The following NCOR2 variants were observed in gnomAD, a reference collection of about 807,000 sequenced individuals.
The protein encoded by NCOR2 is nuclear receptor corepressor 2.
NCOR2 carries 81 observed loss-of-function variants against 262.9 expected under a neutral mutation model. That is an observed-to-expected ratio of 0.31 (90% CI 0.26 to 0.37). The LOEUF is 0.37. Among genes scored for constraint, NCOR2 ranks in the 10% least tolerant of loss-of-function variants. The probability of loss-of-function intolerance (pLI) is 1.00; values close to 1 mark genes in which losing one functional copy is unlikely to be tolerated. For missense variants in NCOR2, 3,385 were observed against 3,621.4 expected (o/e 0.93, Z 1.68); for synonymous variants, 1,659 against 1,559.3 (o/e 1.06, Z -1.51).
At chr12:124,388,078 G>T (rs1349352598) in intron 16 of NCOR2, among the ~76,000 whole-genome samples, 1 of 151,832 alleles carries the variant, frequency 6.6e-6, no homozygotes, top group Non-Finnish European at 1.5e-5. Flanking sequence ...AGAGGAGAGG[G>T]GATGGAGGTG....
chr12:124,333,881 T>C (rs1300834458), intron 41 of NCOR2, among the ~76,000 whole-genome samples: 1 of 83,284 alleles, frequency 1.2e-5, no homozygotes, highest in Non-Finnish European at 2.7e-5. Context: ...TGTGTGCGGG[T>C]GTGCATGTGT....
chr12:124,557,494 G>A (rs1032343997), intron 1 of NCOR2, among the ~76,000 whole-genome samples: 3 of 152,080 alleles, frequency 2.0e-5, no homozygotes, highest in Admixed American at 6.5e-5. Flanking sequence ...ATAAGGACAC[G>A]GGCCACTGGA....
intron 9 of NCOR2, 38 bp downstream of exon 11, chr12:124,430,577 C>A (rs1306301305): frequency 3.8e-6 from 6 of 1,573,828 alleles, no homozygotes; most frequent in South Asian, 1.2e-5. Context: ...TGACCCCGGG[C>A]CCTGACGTCG....
At chr12:124,438,363 A>G (rs1016119156) in intron 7 of NCOR2, among the ~76,000 whole-genome samples, 1 of 152,172 alleles carries the variant, frequency 6.6e-6, no homozygotes, top group African/African-American at 2.4e-5. Context: ...TACAGGCCAC[A>G]GAGCCCGAGA....
Position 124,450,124 on chromosome 12 carries a change from T to C in NCOR2, c.763-257A>G, listed in dbSNP as rs558838701. On this transcript the variant is annotated intron_variant, in intron 6 of 46. Coordinates refer to ENST00000405201, the Ensembl canonical transcript of NCOR2. ...TCGTCATGGCTGCTCTGCGGGGCAT[T>C]CAGCAGTGCTGGCCTGGAAGGGGCC... is the stretch of plus-strand genomic sequence containing the variant. 3.6e-4 allele frequency among the ~76,000 whole-genome samples: 55 copies of C among 152,264 alleles called. 1 individual carries two copies. The highest frequency in any genetic ancestry group is 1.3e-3 in the African/African-American group (54 of 41,554).
rs770294554 is a variant in NCOR2 at position 124,343,234 on chromosome 12, C to T, written c.4715-8G>A. On this transcript the variant is annotated splice_region_variant and splice_polypyrimidine_tract_variant and intron_variant, in intron 32 of 46. Coordinates refer to ENST00000405201, the Ensembl canonical transcript of NCOR2. ...TGCTGGACGAAAGGCTGCCTGTGGACGGGCAAGGTGGATGCATCGGGCCTC... is the reference window on the plus strand; with the variant it reads ...TGCTGGACGAAAGGCTGCCTGTGGATGGGCAAGGTGGATGCATCGGGCCTC... The T allele has an allele frequency of 5.6e-6, 9 of 1,606,686 alleles. No homozygotes were observed. The African/African-American group carries it at 8.0e-5, about 14-fold the overall frequency.
intron 20 of NCOR2, among the ~76,000 whole-genome samples, chr12:124,366,811 C>T (rs1388388483): frequency 1.3e-5 from 2 of 152,114 alleles, no homozygotes; most frequent in African/African-American, 2.4e-5. Flanking sequence ...TGCCACTGTG[C>T]CTAGCCTAAA....
Position 124,340,702 on chromosome 12 carries a change from CG to C in NCOR2, c.5237del (p.Pro1746ArgfsTer40). On this transcript the variant is annotated frameshift_variant, in exon 35 of 47. Transcript: ENST00000405201. LOFTEE classifies it high-confidence loss of function. ...TGGCGGTGGCTGGGGTGCCTGGTGT[CG>C]GGGGCACGAGCACAGGCAGGTGTGG... 3.3e-6 allele frequency: 5 copies of C among 1,537,474 alleles called. No individual in the cohort carries two copies. Among genetic ancestry groups the C allele is most frequent in the South Asian group, 1.3e-5 (1 of 78,898 alleles).
rs117957099 is a variant in NCOR2, at chr12:124,349,222, C to T, written c.3845-908G>A. Among the ~76,000 whole-genome samples the T allele has an allele frequency of 3.9e-4, 59 of 152,286 alleles. No homozygotes were observed. The East Asian group carries it at 0.011, about 27-fold the overall frequency. On this transcript the variant is annotated intron_variant, in intron 28 of 46. Transcript: ENST00000405201. ...GAGAGGTGAACAGACGGAGGTGGCC[C>T]CCGAAGGTAAAGGCTGGGCTTTGCC...
chr12:124,343,487 G>T (rs1173075572), intron 32 of NCOR2, among the ~76,000 whole-genome samples: 1 of 152,240 alleles, frequency 6.6e-6, no homozygotes, highest in Admixed American at 6.5e-5. Context: ...AAGCATTGTT[G>T]TGAGAACTGG....
chr12:124,515,471 C>T (rs899397400), intron 1 of NCOR2, among the ~76,000 whole-genome samples: 9 of 151,986 alleles, frequency 5.9e-5, no homozygotes, highest in Non-Finnish European at 1.3e-4. Flanking sequence ...CCTGAGACAA[C>T]GACAATTCAT....
intron 7 of NCOR2, among the ~76,000 whole-genome samples, chr12:124,441,620 C>G (rs1218927971): frequency 1.3e-5 from 2 of 152,240 alleles, no homozygotes; most frequent in African/African-American, 4.8e-5. Context: ...TTTGCACAGT[C>G]TCAAAGAATC....
rs1480783591 is a variant in NCOR2, at chr12:124,566,256, G to T, written c.-165+1052C>A. Among the ~76,000 whole-genome samples, 1 of 152,224 alleles carries T rather than the reference G, an allele frequency of 6.6e-6. No individual in the cohort carries two copies. Among genetic ancestry groups the T allele is most frequent in the Non-Finnish European group, 1.5e-5 (1 of 68,044 alleles). ...AGGAAGGGAGGAGGCTGAGCCGACA[G>T]AACAGATCCGCCCCCGCTGCCTGCA... is the stretch of plus-strand genomic sequence containing the variant. On this transcript the variant is annotated intron_variant, in intron 1 of 32. Coordinates refer to the NCOR2 transcript ENST00000458234. The surrounding 1 kb of genome is among the most constrained non-coding windows in gnomAD (Gnocchi z 4.3).
rs1204258133 is a variant in NCOR2 at position 124,433,845 on chromosome 12, TACACACACACACACACAC to T, written c.883-3076_883-3059del. On this transcript the variant is annotated intron_variant, in intron 8 of 46. Transcript: ENST00000405201. ...CTTCCCTCCCTCCCTCTCTCTGTCT[TACACACACACACACACAC>T]ACACACACACACACACACACACACA... Among the ~76,000 whole-genome samples the T allele has an allele frequency of 9.3e-4, 17 of 18,278 alleles. 1 individual carries two copies. Among genetic ancestry groups the T allele is most frequent in the South Asian group, 3.0e-3 (1 of 334 alleles). 12.0% of individuals were successfully genotyped at this position (18,278 alleles called of 152,430 possible).
At chr12:124,567,012 G>T (rs1424255554) in intron 1 of NCOR2, among the ~76,000 whole-genome samples, 2 of 152,150 alleles carry the variant, frequency 1.3e-5, no homozygotes, top group East Asian at 1.9e-4. Flanking sequence ...ACTGTGGGGG[G>T]CCGCTCTGTG....
intron 1 of NCOR2, among the ~76,000 whole-genome samples, chr12:124,512,479 G>C (rs576277800): frequency 1.3e-5 from 2 of 152,208 alleles, no homozygotes; most frequent in African/African-American, 4.8e-5. Context: ...GGGTAACCCA[G>C]GATGAGCTCA....
At chr12:124,366,124 G>C (rs1014921658) in intron 20 of NCOR2, among the ~76,000 whole-genome samples, 6 of 152,184 alleles carry the variant, frequency 3.9e-5, no homozygotes, top group Non-Finnish European at 5.9e-5. Context: ...TGTCTATGCA[G>C]AAACCTGCAC....
Position 124,420,992 on chromosome 12 carries a change from G to A in NCOR2, c.1384-937C>T, listed in dbSNP as rs117198526. Among the ~76,000 whole-genome samples the A allele has an allele frequency of 3.6e-3, 546 of 152,386 alleles. 2 individuals carry two copies. The highest frequency in any genetic ancestry group is 0.01 in the Middle Eastern group (3 of 294). The stretch of plus-strand genomic sequence containing the variant: ...CACAAACATGGCAATCGAGAAAGAC[G>A]TTTTATAATCAGATGCCAATATTTG... On this transcript the variant is annotated intron_variant, in intron 12 of 46. Transcript: ENST00000405201.
intron 5 of NCOR2, among the ~76,000 whole-genome samples, chr12:124,463,453 T>A (rs2046273380): frequency 6.6e-6 from 1 of 152,216 alleles, no homozygotes; most frequent in Non-Finnish European, 1.5e-5. Context: ...TGCCCTGCCA[T>A]CTGTGCACAC....
Sources: gnomAD v4.1 joint callset for allele counts (sites outside exome capture counted in the v4.1 genomes callset) on GRCh38, gnomAD v4.1.1 for gene constraint, Gnocchi (gnomAD v3.1) non-coding constraint, MANE v1.5 for transcripts, NCBI Gene and HGNC (gene_info 2026-07-23, HGNC 2026-07-21) for gene names.